Variants in MARK3 observed in about 807,000 individuals in gnomAD.
MARK3 encodes microtubule affinity regulating kinase 3, also known as MAP/microtubule affinity-regulating kinase 3.
In MARK3, 46 loss-of-function variants were observed where a neutral mutation model predicts 90.1. The observed-to-expected ratio is 0.51, with a 90% CI of 0.40 to 0.65. MARK3 has a LOEUF of 0.65. Ranked by LOEUF, MARK3 falls within the 30% of genes least tolerant of loss-of-function variation. The pLI is 0.00. For synonymous variants in MARK3, 321 were observed against 332.6 expected, an observed-to-expected ratio of 0.97 and a Z score of 0.38; for missense variants, 818 against 947.2, an observed-to-expected ratio of 0.86 and a Z score of 1.79.
At chr14:103,411,457 A>G (rs1035468071) in intron 2 of MARK3, among the ~76,000 whole-genome samples, 4 of 152,110 alleles carry the variant, frequency 2.6e-5, no homozygotes, top group African/African-American at 7.2e-5. Context: ...TTCTCTCCCA[A>G]CAATTGAAGA....
At chr14:103,452,723 G>T (rs1010545161) in intron 5 of MARK3, among the ~76,000 whole-genome samples, 3 of 151,804 alleles carry the variant, frequency 2.0e-5, no homozygotes. Flanking sequence ...CGCCCGCCTC[G>T]GCCTCCCAAA....
rs114042288 is a variant in MARK3 at position 103,426,909 on chromosome 14, A to T, written c.244-1478A>T. ...TTCTATTTAAAAAAAAAAAAAAAAA[A>T]TTTTTAAAGTTTTCAGATTCAATAC... is the stretch of plus-strand genomic sequence containing the variant. On this transcript the variant is annotated intron_variant, in intron 2 of 17. Transcript: ENST00000429436. Among the ~76,000 whole-genome samples, 1,303 of 145,810 alleles carry T rather than the reference A, an allele frequency of 8.9e-3. 18 individuals carry two copies. Among genetic ancestry groups the T allele is most frequent in the Non-Finnish European group, 7.2e-3 (481 of 66,574 alleles).
intron 3 of MARK3, among the ~76,000 whole-genome samples, chr14:103,438,618 T>G (rs1342916690): frequency 2.0e-5 from 3 of 152,208 alleles, no homozygotes; most frequent in African/African-American, 7.2e-5. Context: ...GTTGCTCTGA[T>G]TCTAGGAATC....
In MARK3 at chr14:103,465,632, G is replaced by T; in HGVS notation, c.616G>T (p.Gly206Cys). The T allele has an allele frequency of 6.2e-7, 1 of 1,614,058 alleles. No homozygotes were observed. The highest frequency in any genetic ancestry group is 8.5e-7 in the Non-Finnish European group (1 of 1,180,010). ...CGGTTTTAGCAATGAATTTACTGTT[G>T]GCGGTAAACTCGACACGTTTTGTGG... Reference protein sequence around the residue: ...DFGFSNEFTVGGKLDTFCGSP... With the variant: ...DFGFSNEFTVCGKLDTFCGSP... The change falls in exon 8 of 18, where the codon GGC becomes TGC. Residue 206 changes from glycine (G) to cysteine (C), a missense_variant. Physicochemically the swap from Gly to Cys is radical, Grantham distance 159. This residue lies in a region of MARK3 where 101 missense variants were observed against 175.1 expected (regional missense o/e 0.58). Transcript: ENST00000429436.
chr14:103,452,146 G>A (rs887268041), intron 5 of MARK3, among the ~76,000 whole-genome samples, 163 bp downstream of exon 5: 7 of 152,044 alleles, frequency 4.6e-5, no homozygotes, highest in African/African-American at 1.7e-4. Flanking sequence ...CACTTCTAGG[G>A]GTTGCCATGA....
intron 1 of MARK3, among the ~76,000 whole-genome samples, chr14:103,392,828 T>C (rs1315981871): frequency 6.6e-6 from 1 of 151,518 alleles, no homozygotes; most frequent in Non-Finnish European, 1.5e-5. Context: ...TTAAATTTCC[T>C]GAGGCGGAGT....
chr14:103,420,941 A>T (rs916525096), intron 2 of MARK3, among the ~76,000 whole-genome samples: 2 of 151,756 alleles, frequency 1.3e-5, no homozygotes, highest in African/African-American at 2.4e-5. Context: ...TGATTTTGCC[A>T]TTTAAAATGG....
At chr14:103,393,045 A>G (rs2090361586) in intron 1 of MARK3, among the ~76,000 whole-genome samples, 2 of 152,126 alleles carry the variant, frequency 1.3e-5, no homozygotes, top group Non-Finnish European at 2.9e-5. Flanking sequence ...GTGCAGTGGC[A>G]TGATCTTGGC....
intron 1 of MARK3, 64 bp downstream of exon 1, chr14:103,386,144 G>GTT: frequency 2.7e-6 from 4 of 1,476,590 alleles, no homozygotes; most frequent in Non-Finnish European, 3.8e-6. Flanking sequence ...CTCGGGCAGT[G>GTT]CCTTGCAGTC....
rs1251754817 is a variant in MARK3 at position 103,467,158 on chromosome 14, T to C, written c.1077T>C (p.Ala359=). 1 of 1,599,240 alleles carries C rather than the reference T, an allele frequency of 6.3e-7. No homozygotes were observed. Among genetic ancestry groups the C allele is most frequent in the Non-Finnish European group, 8.6e-7 (1 of 1,169,428 alleles). The part of the protein sequence containing the change: ...LSKMKYDEIT[A]TYLLLGRKSS... ...AGATGAAATACGATGAAATCACAGC[T>C]ACATATTTGTTATTGGGGAGAAAAT... Residue 359 remains alanine, a synonymous_variant, in exon 11 of 18, where the codon GCT becomes GCC. Transcript: ENST00000429436.
intron 14 of MARK3, among the ~76,000 whole-genome samples, chr14:103,485,225 C>T (rs1185050046): frequency 7.2e-6 from 1 of 138,458 alleles, no homozygotes; most frequent in Non-Finnish European, 1.6e-5. Flanking sequence ...AGCAAAACCC[C>T]ATCTCAAAGA....
intron 3 of MARK3, among the ~76,000 whole-genome samples, chr14:103,429,685 G>C (rs1295186355): frequency 6.6e-6 from 1 of 152,150 alleles, no homozygotes; most frequent in Non-Finnish European, 1.5e-5. Context: ...TTGTCCTGAA[G>C]AGTAAATTTT....
rs1473722471 is a variant in MARK3 at position 103,399,727 on chromosome 14, A to AG, written c.52-5348dup. On this transcript the variant is annotated intron_variant, in intron 1 of 17. Transcript: ENST00000429436. ...AAAAAAAAAAAGAAAAAAAAAAAAA[A>AG]GAAAGGAATTTGGAGGTATGCAGCG... Among the ~76,000 whole-genome samples, 11 of 140,972 alleles carry AG rather than the reference A, an allele frequency of 7.8e-5. No homozygotes were observed. The South Asian group carries it at 1.1e-3, about 14-fold the overall frequency. The allele number at this position is 140,972 out of a possible 152,430, so 92.5% of individuals were successfully genotyped here.
At chr14:103,414,747 A>G (rs2091862472) in intron 2 of MARK3, among the ~76,000 whole-genome samples, 1 of 152,216 alleles carries the variant, frequency 6.6e-6, no homozygotes, top group South Asian at 2.1e-4. Flanking sequence ...ACAGAGATGT[A>G]GAATTATATC....
At chr14:103,458,210 C>G (rs537193493) in intron 6 of MARK3, among the ~76,000 whole-genome samples, 101 of 152,264 alleles carry the variant, frequency 6.6e-4, no homozygotes, top group African/African-American at 2.4e-3. Flanking sequence ...GTAATCCCAG[C>G]ACTTTGGGAG....
At chr14:103,469,226 G>C (rs572421952) in intron 12 of MARK3, 2 of 151,930 alleles carry the variant, frequency 1.3e-5, no homozygotes, top group South Asian at 4.2e-4. Context: ...CTGTCGCCCA[G>C]GCTGGAATGC....
intron 5 of MARK3, among the ~76,000 whole-genome samples, chr14:103,456,501 T>C (rs1220879003): frequency 1.3e-5 from 2 of 152,218 alleles, no homozygotes; most frequent in African/African-American, 4.8e-5. Flanking sequence ...ATAACTACAT[T>C]GTCCACACCC....
chr14:103,494,407 C>T lies in MARK3; in HGVS notation c.1844+2373C>T, dbSNP rs1361677714. On this transcript the variant is annotated intron_variant, in intron 15 of 17. Transcript: ENST00000429436. Reference sequence around the variant, plus strand: ...TCTCTACTAAAAATACAAAATTAGCCGGGCATGGTGGCACATGCCTGTAAT... The same window carrying T: ...TCTCTACTAAAAATACAAAATTAGCTGGGCATGGTGGCACATGCCTGTAAT... Among the ~76,000 whole-genome samples the T allele has an allele frequency of 5.3e-5, 8 of 150,786 alleles. No homozygotes were observed. The East Asian group carries it at 1.6e-3, about 30-fold the overall frequency.
intron 15 of MARK3, 101 bp downstream of exon 15, chr14:103,492,135 T>G: frequency 7.3e-7 from 1 of 1,360,980 alleles, no homozygotes; most frequent in Non-Finnish European, 1.0e-6. Flanking sequence ...TGCTTTTCAG[T>G]CTGCCTTCAG....
Sources: allele counts gnomAD v4.1 joint callset (sites outside exome capture counted in the v4.1 genomes callset), GRCh38; gene constraint gnomAD v4.1.1; regional missense constraint gnomAD v4.1.1; transcripts MANE v1.5; gene names NCBI Gene and HGNC (gene_info 2026-07-23, HGNC 2026-07-21).